ELAC1: variants seen among roughly 807,000 people sequenced by gnomAD.
ELAC1 encodes the protein elaC ribonuclease Z 1.
Under a neutral mutation model 25.8 loss-of-function variants are expected in ELAC1, and 19 were observed. The ratio of observed to expected loss-of-function variants is 0.74; its 90% confidence interval spans 0.51 to 1.08. ELAC1 has a LOEUF of 1.08. Ranked by LOEUF, ELAC1 falls within the 50% of genes least tolerant of loss-of-function variation. ELAC1 has a pLI of 0.00. For missense variants in ELAC1, 403 were observed against 434.6 expected (o/e 0.93, Z 0.65); for synonymous variants, 148 against 160.9 (o/e 0.92, Z 0.61).
intron 1 of ELAC1, among the ~76,000 whole-genome samples, chr18:50,970,535 G>A (rs563388492): frequency 1.3e-5 from 2 of 152,198 alleles, no homozygotes; most frequent in East Asian, 3.9e-4. Flanking sequence ...TGAAAGGGAT[G>A]TTAGCAATAA....
At chr18:50,981,639 T>C (rs1051724766) in intron 2 of ELAC1, among the ~76,000 whole-genome samples, 1 of 152,190 alleles carries the variant, frequency 6.6e-6, no homozygotes, top group Non-Finnish European at 1.5e-5. Flanking sequence ...ATCAGGTTTC[T>C]TGAAAAATGA....
chr18:50,974,562 G>T lies in ELAC1; in HGVS notation c.157+1G>T. The T allele has an allele frequency of 5.0e-6, 8 of 1,613,778 alleles. No individual in the cohort carries two copies. The highest frequency in any genetic ancestry group is 3.3e-5 in the Admixed American group (2 of 60,002). On this transcript the variant is annotated splice_donor_variant, in intron 2 of 3. Coordinates refer to ENST00000269466, the MANE Select transcript of ELAC1 (RefSeq NM_018696.3). LOFTEE classifies it high-confidence loss of function. Reference sequence around the variant, plus strand: ...CTTATGAAAAGCCAACTTAAAGCAGGTTAGTGTGCCTTCAGCTATCTCATT... The same window carrying T: ...CTTATGAAAAGCCAACTTAAAGCAGTTTAGTGTGCCTTCAGCTATCTCATT...
chr18:50,974,537 C>T lies in ELAC1; in HGVS notation c.133C>T (p.Leu45Phe). The part of the protein sequence containing the change: ...FDCGEGTQTQ[L>F]MKSQLKAGRI... ...CTGTGGGGAGGGAACACAGACACAGCTTATGAAAAGCCAACTTAAAGCAGG... is the reference window on the plus strand; with the variant it reads ...CTGTGGGGAGGGAACACAGACACAGTTTATGAAAAGCCAACTTAAAGCAGG... Residue 45 changes from leucine (L) to phenylalanine (F), a missense_variant, in exon 2 of 4, where the codon CTT becomes TTT. Coordinates refer to ENST00000269466, the MANE Select transcript of ELAC1 (RefSeq NM_018696.3). 6.2e-7 allele frequency: 1 copy of T among 1,613,956 alleles called. No individual in the cohort carries two copies. Among genetic ancestry groups the T allele is most frequent in the Non-Finnish European group, 8.5e-7 (1 of 1,179,974 alleles).
chr18:50,976,410 A>C (rs768993591), intron 2 of ELAC1, among the ~76,000 whole-genome samples: 3 of 152,176 alleles, frequency 2.0e-5, no homozygotes, highest in Non-Finnish European at 4.4e-5. Context: ...ATCATGGTGG[A>C]AGGCAAAGGC....
chr18:50,976,821 C>G (rs1188659626), intron 2 of ELAC1, among the ~76,000 whole-genome samples: 1 of 152,190 alleles, frequency 6.6e-6, no homozygotes, highest in Admixed American at 6.5e-5. Flanking sequence ...CCTGTAAAAT[C>G]AAAAGCAAGT....
At chr18:50,977,264 A>G (rs1907818108) in intron 2 of ELAC1, among the ~76,000 whole-genome samples, 1 of 152,184 alleles carries the variant, frequency 6.6e-6, no homozygotes, top group Non-Finnish European at 1.5e-5. Context: ...TCCCTTCCAC[A>G]CTGCCCTAGT....
intron 3 of ELAC1, among the ~76,000 whole-genome samples, chr18:50,985,888 A>G (rs1908095878): frequency 6.6e-6 from 1 of 152,202 alleles, no homozygotes; most frequent in Non-Finnish European, 1.5e-5. Context: ...TCTGCCAAGA[A>G]GACTAATAAT....
chr18:50,968,439 A>G (rs1907561129), intron 1 of ELAC1: 1 of 152,334 alleles, frequency 6.6e-6, no homozygotes, highest in African/African-American at 2.4e-5. Context: ...CAGCTCTAAG[A>G]TGGAGGACAG....
rs1360269891 is a variant in ELAC1 at position 50,988,098 on chromosome 18, T to G, written c.*1013T>G. On this transcript the variant is annotated 3_prime_UTR_variant, in exon 4 of 4. Transcript: ENST00000269466. ...TGAGGTTTCATTGACGTGTCCCTAT[T>G]AATAAACGTTATTTGCCCCACAATG... is the stretch of plus-strand genomic sequence containing the variant. 2 of 152,254 alleles carry G rather than the reference T, an allele frequency of 1.3e-5. No individual in the cohort carries two copies. The highest frequency in any genetic ancestry group is 4.8e-5 in the African/African-American group (2 of 41,466). The allele number at this position is 152,254 out of a possible 1,614,324, so 9.4% of individuals were successfully genotyped here.
chr18:50,984,591 TC>T, intron 3 of ELAC1, 28 bp downstream of exon 3: 1 of 1,518,646 alleles, frequency 6.6e-7, no homozygotes, highest in Non-Finnish European at 9.1e-7. Flanking sequence ...TTTTGTTTTT[TC>T]CCGCCTTCTC....
At chr18:50,969,705 A>G (rs1435024949) in intron 1 of ELAC1, 1 of 152,248 alleles carries the variant, frequency 6.6e-6, no homozygotes, top group Non-Finnish European at 1.5e-5. Flanking sequence ...TGTCTTATCA[A>G]GTATTCTTGG....
At chr18:50,985,363 C>T (rs1362814383) in intron 3 of ELAC1, among the ~76,000 whole-genome samples, 1 of 152,218 alleles carries the variant, frequency 6.6e-6, no homozygotes. Flanking sequence ...ATTTGGTATT[C>T]AAAACCCTGT....
rs1054232292 is a variant in ELAC1 at position 50,988,106 on chromosome 18, G to A, written c.*1021G>A. The A allele has an allele frequency of 6.6e-6, 1 of 152,160 alleles. No homozygotes were observed. Among genetic ancestry groups the A allele is most frequent in the African/African-American group, 2.4e-5 (1 of 41,438 alleles). The allele number at this position is 152,160 out of a possible 1,614,324, so 9.4% of individuals were successfully genotyped here. A position where few individuals can be genotyped will look rare whatever the true frequency, so the allele number is the denominator to read the frequency against. On this transcript the variant is annotated 3_prime_UTR_variant, in exon 4 of 4. Coordinates refer to ENST00000269466, the MANE Select transcript of ELAC1 (RefSeq NM_018696.3). Reference sequence around the variant, plus strand: ...CATTGACGTGTCCCTATTAATAAACGTTATTTGCCCCACAATGTTTCTTAA... The same window carrying A: ...CATTGACGTGTCCCTATTAATAAACATTATTTGCCCCACAATGTTTCTTAA...
intron 2 of ELAC1, among the ~76,000 whole-genome samples, chr18:50,979,265 G>A (rs941950853): frequency 5.3e-5 from 8 of 152,080 alleles, no homozygotes; most frequent in South Asian, 2.1e-4. Flanking sequence ...TAGGGAGTTC[G>A]GGCCTGGTTT....
intron 3 of ELAC1, among the ~76,000 whole-genome samples, chr18:50,985,781 A>C (rs372517824): frequency 6.6e-6 from 1 of 152,182 alleles, no homozygotes; most frequent in African/African-American, 2.4e-5. Context: ...TGGTCATACT[A>C]TACTAGTTTG....
Position 50,974,529 on chromosome 18 carries a change from A to G in ELAC1, c.125A>G (p.Gln42Arg), listed in dbSNP as rs779742784. The stretch of plus-strand genomic sequence containing the variant: ...CTCTTTGACTGTGGGGAGGGAACAC[A>G]GACACAGCTTATGAAAAGCCAACTT... ...CWLFDCGEGT[Q>R]TQLMKSQLKA... The change falls in exon 2 of 4, where the codon CAG (glutamine) becomes CGG (arginine). Residue 42 changes from glutamine to arginine, a missense_variant. By Grantham distance (43) the Gln-to-Arg change is conservative. Coordinates refer to ENST00000269466, the MANE Select transcript of ELAC1 (RefSeq NM_018696.3). 3.1e-6 allele frequency: 5 copies of G among 1,613,896 alleles called. No individual in the cohort carries two copies. Among genetic ancestry groups the G allele is most frequent in the East Asian group, 4.5e-5 (2 of 44,820 alleles).
intron 2 of ELAC1, among the ~76,000 whole-genome samples, chr18:50,977,750 G>A (rs1355807448): frequency 1.3e-5 from 2 of 152,142 alleles, no homozygotes; most frequent in Non-Finnish European, 2.9e-5. Context: ...ACATCATCAG[G>A]ATGCAAATTT....
At chr18:50,983,057 T>C (rs1907996494) in intron 2 of ELAC1, among the ~76,000 whole-genome samples, 1 of 151,760 alleles carries the variant, frequency 6.6e-6, no homozygotes, top group Admixed American at 6.6e-5. Flanking sequence ...GAGGGAGCAG[T>C]AGGGGGCAAT....
intron 2 of ELAC1, 120 bp from the exon 3 acceptor site, chr18:50,983,976 G>A (rs576550280): frequency 1.7e-6 from 1 of 596,370 alleles, no homozygotes; most frequent in East Asian, 3.0e-5. Flanking sequence ...ATGATAAGTA[G>A]AACTTTTAAA....
Sources: gnomAD v4.1 joint callset for allele counts (sites outside exome capture counted in the v4.1 genomes callset) on GRCh38, gnomAD v4.1.1 for gene constraint, MANE v1.5 for transcripts, NCBI Gene and HGNC (gene_info 2026-07-23, HGNC 2026-07-21) for gene names.